GALNT10: variants seen among roughly 807,000 people sequenced by gnomAD.
GALNT10 encodes GalNAc transferase 10.
A neutral mutation model predicts 75.0 loss-of-function variants in GALNT10; 41 were observed. The observed-to-expected ratio is 0.55, with a 90% CI of 0.43 to 0.71. GALNT10 has a LOEUF of 0.71. GALNT10 is among the 30% of genes least tolerant of loss of function. The pLI, the probability that GALNT10 is intolerant of heterozygous loss-of-function variation, is 0.00. For synonymous variants in GALNT10, 302 were observed against 313.0 expected (o/e 0.96, Z 0.37); for missense variants, 727 against 818.5 (o/e 0.89, Z 1.36).
intron 1 of GALNT10, among the ~76,000 whole-genome samples, chr5:154,263,252 T>A (rs529994759): frequency 6.6e-6 from 1 of 152,316 alleles, no homozygotes; most frequent in African/African-American, 2.4e-5. Flanking sequence ...AACTGAAATG[T>A]CTACTTATGA....
intron 1 of GALNT10, among the ~76,000 whole-genome samples, chr5:154,206,324 T>A (rs1474797316): frequency 6.6e-6 from 1 of 152,248 alleles, no homozygotes; most frequent in Non-Finnish European, 1.5e-5. Flanking sequence ...CTTAACTGTA[T>A]TATCCTTTTG....
chr5:154,229,776 A>G (rs893553043), intron 1 of GALNT10, among the ~76,000 whole-genome samples: 2 of 152,130 alleles, frequency 1.3e-5, no homozygotes, highest in African/African-American at 4.8e-5. Flanking sequence ...ACGGACCAGG[A>G]CAGTCTTACT....
intron 1 of GALNT10, among the ~76,000 whole-genome samples, chr5:154,257,148 G>A (rs1753627360): frequency 6.6e-6 from 1 of 152,114 alleles, no homozygotes; most frequent in African/African-American, 2.4e-5. Flanking sequence ...CTGAGACTCA[G>A]GTTAAGCAAT....
chr5:154,194,662 C>T (rs912998126), intron 1 of GALNT10, among the ~76,000 whole-genome samples: 3 of 152,194 alleles, frequency 2.0e-5, no homozygotes, highest in Non-Finnish European at 4.4e-5. Context: ...CCTTGGATTC[C>T]TCATCTGCTA....
At chr5:154,204,688 T>C (rs1230229575) in intron 1 of GALNT10, among the ~76,000 whole-genome samples, 9 of 152,202 alleles carry the variant, frequency 5.9e-5, no homozygotes, top group African/African-American at 2.2e-4. Flanking sequence ...TGGTTCCTCC[T>C]CATCTTTTAG....
intron 1 of GALNT10, chr5:154,218,070 G>GA: frequency 1.0e-6 from 1 of 985,194 alleles, no homozygotes; most frequent in Non-Finnish European, 1.2e-6. Flanking sequence ...GTTCGACTGA[G>GA]ACCAGGATTA....
chr5:154,306,868 C>T (rs1754443045), intron 3 of GALNT10, among the ~76,000 whole-genome samples: 1 of 152,156 alleles, frequency 6.6e-6, no homozygotes, highest in Non-Finnish European at 1.5e-5. Flanking sequence ...ACTCTCACAG[C>T]ACTGTCAACC....
At chr5:154,215,841 G>A (rs1016290135) in intron 1 of GALNT10, among the ~76,000 whole-genome samples, 1 of 152,176 alleles carries the variant, frequency 6.6e-6, no homozygotes, top group South Asian at 2.1e-4. Flanking sequence ...TAGGGGTAAG[G>A]CTTCAGCCCT....
At position 154,294,842 on chromosome 5, in the gene GALNT10, GTTT is replaced by G. The variant is rs865952510; in HGVS notation, c.189_191del (p.Phe64del). The stretch of plus-strand genomic sequence containing the variant: ...GCTCACACAGTCGACAAAAGAAAAC[GTTT>G]TTCTTGGGAGATGGGCAGAAGCTGA... On this transcript the variant is annotated inframe_deletion, in exon 2 of 12. Coordinates refer to ENST00000297107, the MANE Select transcript of GALNT10 (RefSeq NM_198321.4). 42 of 1,601,450 alleles carry G rather than the reference GTTT, an allele frequency of 2.6e-5. No homozygotes were observed. Among genetic ancestry groups the G allele is most frequent in the Non-Finnish European group, 3.4e-5 (40 of 1,168,582 alleles).
intron 1 of GALNT10, among the ~76,000 whole-genome samples, chr5:154,251,783 G>A (rs1335504051): frequency 6.6e-6 from 1 of 152,100 alleles, no homozygotes; most frequent in Admixed American, 6.6e-5. Flanking sequence ...AAACTGCTTG[G>A]TTTCTTTTAG....
intron 1 of GALNT10, among the ~76,000 whole-genome samples, chr5:154,235,683 A>AT: frequency 6.6e-6 from 1 of 152,250 alleles, no homozygotes; most frequent in East Asian, 1.9e-4. Context: ...TTGATCCTCA[A>AT]TTTCTACCTC....
chr5:154,272,503 T>C (rs1350297605), intron 1 of GALNT10, among the ~76,000 whole-genome samples: 1 of 152,210 alleles, frequency 6.6e-6, no homozygotes, highest in African/African-American at 2.4e-5. Context: ...TGTGGGTGTT[T>C]TGTCCCTCCA....
chr5:154,329,823 C>A, intron 4 of GALNT10, 85 bp downstream of exon 4: 1 of 907,268 alleles, frequency 1.1e-6, no homozygotes, highest in Non-Finnish European at 1.7e-6. Context: ...CCTTCTTTAG[C>A]AGCATCAACA....
chr5:154,387,510 C>T (rs1275382507), intron 7 of GALNT10: 2 of 152,250 alleles, frequency 1.3e-5, no homozygotes, highest in African/African-American at 4.8e-5. Context: ...GGACCATTGT[C>T]AGGCACAGTG....
At chr5:154,262,241 A>T (rs901303784) in intron 1 of GALNT10, among the ~76,000 whole-genome samples, 1 of 145,632 alleles carries the variant, frequency 6.9e-6, no homozygotes, top group Non-Finnish European at 1.5e-5. Context: ...AGACAGGTTG[A>T]TTTACCTGCC....
chr5:154,372,668 G>A (rs1455009441), intron 4 of GALNT10, among the ~76,000 whole-genome samples: 1 of 152,202 alleles, frequency 6.6e-6, no homozygotes, highest in Non-Finnish European at 1.5e-5. Context: ...CATGGAGCAT[G>A]TGCTCAGTGT....
In GALNT10 at chr5:154,402,555, T is replaced by C. The variant is rs1301181625; in HGVS notation, c.1057-1549T>C. ...ACCCCCAGAATCCATCTTAACACAA[T>C]ACACAGTTATGATGGCAGCGCTTCC... On this transcript the variant is annotated intron_variant, in intron 7 of 11. Coordinates refer to ENST00000297107, the MANE Select transcript of GALNT10 (RefSeq NM_198321.4). The surrounding 1 kb of genome is among the most constrained non-coding windows in gnomAD (Gnocchi z 4.2). Among the ~76,000 whole-genome samples, 1 of 152,150 alleles carries C rather than the reference T, an allele frequency of 6.6e-6. No homozygotes were observed. The highest frequency in any genetic ancestry group is 1.5e-5 in the Non-Finnish European group (1 of 68,022).
chr5:154,370,724 G>T lies in GALNT10; in HGVS notation c.569-5553G>T, dbSNP rs765003416. Among the ~76,000 whole-genome samples the T allele has an allele frequency of 3.9e-5, 6 of 152,310 alleles. No homozygotes were observed. In the South Asian group the frequency reaches 1.0e-3, roughly 26 times the overall value. On this transcript the variant is annotated intron_variant, in intron 4 of 11. Transcript: ENST00000297107. ...ATGACCTTTCTTCCAAGAGCCAGGG[G>T]AAGCCATTGAAGGGTTTAAATTTAA...
rs1182992452 is a variant in GALNT10, at chr5:154,419,141, T to C, written c.*2169T>C. On this transcript the variant is annotated 3_prime_UTR_variant, in exon 12 of 12. Transcript: ENST00000297107. ...TACTGGATGAGTGTGTGTTTCTTAATGTCTCATTTCAAGCAGGAGATGTTG... is the reference window on the plus strand; with the variant it reads ...TACTGGATGAGTGTGTGTTTCTTAACGTCTCATTTCAAGCAGGAGATGTTG... 2.0e-5 allele frequency: 3 copies of C among 151,746 alleles called. No individual in the cohort carries two copies. The highest frequency in any genetic ancestry group is 4.9e-5 in the African/African-American group (2 of 41,198). 9.4% of individuals were successfully genotyped at this position (151,746 alleles called of 1,614,324 possible). A position where few individuals can be genotyped will look rare whatever the true frequency, so the allele number is the denominator to read the frequency against.
Sources: gnomAD v4.1 joint callset for allele counts (sites outside exome capture counted in the v4.1 genomes callset) on GRCh38, gnomAD v4.1.1 for gene constraint, Gnocchi (gnomAD v3.1) non-coding constraint, MANE v1.5 for transcripts, NCBI Gene and HGNC (gene_info 2026-07-23, HGNC 2026-07-21) for gene names.